PRLR: variants seen among roughly 807,000 people sequenced by gnomAD.
PRLR encodes the protein hPRL receptor.
In PRLR, 13 loss-of-function variants were observed where a neutral mutation model predicts 40.2. The observed-to-expected ratio is 0.32, with a 90% CI of 0.21 to 0.51. The LOEUF (loss-of-function observed/expected upper bound fraction) is 0.51. PRLR is among the 20% of genes least tolerant of loss of function. PRLR has a pLI of 0.97. For synonymous variants in PRLR, 269 were observed against 278.7 expected, an observed-to-expected ratio of 0.97 and a Z score of 0.35; for missense variants, 656 against 747.3, an observed-to-expected ratio of 0.88 and a Z score of 1.42.
chr5:35,094,572 C>A (rs1771417988), intron 2 of PRLR, among the ~76,000 whole-genome samples: 1 of 152,184 alleles, frequency 6.6e-6, no homozygotes, highest in Non-Finnish European at 1.5e-5. Flanking sequence ...GCCATATCTC[C>A]TGTTAACCTA....
intron 1 of PRLR, among the ~76,000 whole-genome samples, chr5:35,209,834 CTT>C (rs1776124621): frequency 6.6e-6 from 1 of 152,206 alleles, no homozygotes; most frequent in Non-Finnish European, 1.5e-5. Context: ...TGTTTATACT[CTT>C]ATCAACTGCC....
At chr5:35,142,855 G>T (rs190880109) in intron 1 of PRLR, among the ~76,000 whole-genome samples, 9 of 152,334 alleles carry the variant, frequency 5.9e-5, no homozygotes, top group African/African-American at 2.2e-4. Flanking sequence ...TTTACTTGCT[G>T]TGTGAGTTAC....
chr5:35,052,119 T>C (rs1030011000), downstream of PRLR, among the ~76,000 whole-genome samples: 4 of 152,164 alleles, frequency 2.6e-5, no homozygotes, highest in African/African-American at 9.7e-5. Context: ...TTAACTTACT[T>C]ATAAATCACC....
At chr5:35,112,247 T>C (rs111888372) in intron 2 of PRLR, among the ~76,000 whole-genome samples, 4,711 of 152,296 alleles carry the variant, frequency 0.031, 248 homozygotes, top group African/African-American at 0.11. Context: ...TTATTTGAAA[T>C]ACCTAAGGCT....
At chr5:35,082,382 C>G (rs186779668) in intron 5 of PRLR, among the ~76,000 whole-genome samples, 1 of 152,274 alleles carries the variant, frequency 6.6e-6, no homozygotes, top group Non-Finnish European at 1.5e-5. Context: ...GAGGATGTAT[C>G]TTTTAGAGCA....
At chr5:35,077,226 C>G (rs1028845550) in intron 5 of PRLR, among the ~76,000 whole-genome samples, 6 of 152,124 alleles carry the variant, frequency 3.9e-5, no homozygotes, top group Non-Finnish European at 8.8e-5. Flanking sequence ...GGGCTAAATG[C>G]TCCAATTAAA....
chr5:35,159,531 A>C (rs560598707), intron 1 of PRLR, among the ~76,000 whole-genome samples: 1 of 152,230 alleles, frequency 6.6e-6, no homozygotes, highest in South Asian at 2.1e-4. Flanking sequence ...TTTCAAGGGA[A>C]TGTTTGGCCG....
intron 1 of PRLR, among the ~76,000 whole-genome samples, chr5:35,229,418 T>G (rs948198544): frequency 6.6e-6 from 1 of 152,046 alleles, no homozygotes; most frequent in Non-Finnish European, 1.5e-5. Flanking sequence ...GTGGGTTGCT[T>G]CCCCAGGATA....
chr5:35,143,431 T>G (rs954725901), intron 1 of PRLR, among the ~76,000 whole-genome samples: 4 of 152,232 alleles, frequency 2.6e-5, no homozygotes, highest in Admixed American at 2.6e-4. Context: ...AATATTCTGT[T>G]TCTGTCTGAC....
chr5:35,123,169 T>A (rs972592072), intron 1 of PRLR, among the ~76,000 whole-genome samples: 3 of 152,174 alleles, frequency 2.0e-5, no homozygotes, highest in African/African-American at 7.2e-5. Flanking sequence ...ATTCCAGAAT[T>A]CCTTTCGTTA....
intron 3 of PRLR, among the ~76,000 whole-genome samples, chr5:35,087,566 G>A (rs1770938376): frequency 6.6e-6 from 1 of 151,856 alleles, no homozygotes; most frequent in Admixed American, 6.6e-5. Flanking sequence ...TCTTTTTGGG[G>A]TAGGAGGTGT....
intron 2 of PRLR, among the ~76,000 whole-genome samples, chr5:35,093,904 G>C (rs1359900432): frequency 6.6e-6 from 1 of 152,196 alleles, no homozygotes; most frequent in Non-Finnish European, 1.5e-5. Flanking sequence ...CAGCTGTATA[G>C]GTTTGTAGCC....
At chr5:35,131,676 A>G (rs561123928) in intron 1 of PRLR, among the ~76,000 whole-genome samples, 3 of 151,788 alleles carry the variant, frequency 2.0e-5, no homozygotes, top group Non-Finnish European at 4.4e-5. Flanking sequence ...GCCACTTCCA[A>G]TTCCTTAGCT....
chr5:35,190,520 G>A (rs1439829386), intron 1 of PRLR, among the ~76,000 whole-genome samples: 3 of 152,014 alleles, frequency 2.0e-5, no homozygotes, highest in Admixed American at 6.6e-5. Flanking sequence ...CAGGAGAATC[G>A]CTAGAACTGG....
chr5:35,104,678 C>A (rs188547520), intron 2 of PRLR, among the ~76,000 whole-genome samples: 376 of 152,228 alleles, frequency 2.5e-3, no homozygotes, highest in African/African-American at 8.6e-3. Flanking sequence ...GGGGAAGGGG[C>A]GTCCACCATT....
chr5:35,052,062 A>G (rs75151317), downstream of PRLR, among the ~76,000 whole-genome samples: 41 of 152,308 alleles, frequency 2.7e-4, no homozygotes, highest in East Asian at 7.1e-3. Flanking sequence ...TAAAGCAAAA[A>G]CTGATAGAAT....
chr5:35,189,258 T>C (rs548272418), intron 1 of PRLR, among the ~76,000 whole-genome samples: 1 of 152,286 alleles, frequency 6.6e-6, no homozygotes, highest in Non-Finnish European at 1.5e-5. Flanking sequence ...ACCGACACTA[T>C]GCTTTCAGAT....
At chr5:35,196,131 T>C (rs1335042953) in intron 1 of PRLR, among the ~76,000 whole-genome samples, 1 of 150,680 alleles carries the variant, frequency 6.6e-6, no homozygotes, top group Non-Finnish European at 1.5e-5. Context: ...TTGGCAATGA[T>C]AAAGGCCAGG....
chr5:35,220,070 C>T (rs2111670413), intron 1 of PRLR, among the ~76,000 whole-genome samples: 1 of 152,278 alleles, frequency 6.6e-6, no homozygotes, highest in East Asian at 1.9e-4. Context: ...CGATCAGCCT[C>T]CTACAAACCC....
Sources: allele counts gnomAD v4.1 joint callset (sites outside exome capture counted in the v4.1 genomes callset), GRCh38; gene constraint gnomAD v4.1.1; transcripts MANE v1.5; gene names NCBI Gene and HGNC (gene_info 2026-07-23, HGNC 2026-07-21).